Variants in FAM24A observed in about 807,000 individuals in gnomAD.
The protein encoded by FAM24A is protein FAM24A.
In FAM24A, 2 loss-of-function variants were observed where a neutral mutation model predicts 2.8. The observed-to-expected ratio is 0.73, with a 90% confidence interval of 0.30 to 2.28. FAM24A has a LOEUF of 2.28. FAM24A is among the 30% of genes most tolerant of loss of function. The pLI is 0.12. For missense variants in FAM24A, 109 were observed against 132.0 expected (o/e 0.83, Z 0.85); for synonymous variants, 46 against 47.5 (o/e 0.97, Z 0.13).
chr10:122,911,513 G>A, intron 1 of FAM24A, 120 bp from the exon 2 acceptor site: 1 of 1,441,886 alleles, frequency 6.9e-7, no homozygotes. Flanking sequence ...GGACTCTCTG[G>A]AAAGATTTGC....
Position 122,911,776 on chromosome 10 carries a change from A to G in FAM24A, c.125+17A>G, listed in dbSNP as rs753762832. On this transcript the variant is annotated intron_variant, in intron 2 of 2. Coordinates refer to ENST00000368894, the MANE Select transcript of FAM24A (RefSeq NM_001029888.3). ...GGCACTAAAGTGAGTCATGTGGGGG[A>G]AAATGAATTACACCTCCTCAAATGG... 3.1e-6 allele frequency: 5 copies of G among 1,613,366 alleles called. No individual in the cohort carries two copies. The highest frequency in any genetic ancestry group is 1.7e-4 in the Middle Eastern group (1 of 6,056).
At chr10:122,911,280 C>T (rs1208600035) in intron 1 of FAM24A, among the ~76,000 whole-genome samples, 3 of 152,060 alleles carry the variant, frequency 2.0e-5, no homozygotes, top group African/African-American at 7.2e-5. Context: ...TGACTTCTGA[C>T]CCTCTGAGTG....
chr10:122,911,535 A>C (rs1848318642), intron 1 of FAM24A, 98 bp from the exon 2 acceptor site: 2 of 1,531,438 alleles, frequency 1.3e-6, no homozygotes, highest in East Asian at 2.3e-5. Flanking sequence ...TGCAGTTTAC[A>C]TGTGTCTGGG....
Position 122,911,694 on chromosome 10 carries a change from G to C in FAM24A, c.60G>C (p.Leu20=), listed in dbSNP as rs756160424. ...TGATCGGCATCGGAAGCAGCTTACT[G>C]GTTGCCGCGATGGTGCTCCTAAGTG... The part of the protein sequence containing the change: ...KIMIGIGSSL[L]VAAMVLLSVV... Residue 20 remains leucine, a synonymous_variant, in exon 2 of 3, where the codon CTG becomes CTC. Transcript: ENST00000368894. The C allele has an allele frequency of 1.9e-6, 3 of 1,614,174 alleles. No individual in the cohort carries two copies. In the East Asian group the frequency reaches 6.7e-5, roughly 36 times the overall value.
chr10:122,911,748 T>C lies in FAM24A; in HGVS notation c.114T>C (p.Ala38=), dbSNP rs1176031283. The part of the protein sequence containing the change: ...SVVFCLYFKV[A]KALKAAKDPD... ...TGTTCTGTCTTTACTTCAAAGTAGC[T>C]AAGGCACTAAAGTGAGTCATGTGGG... The change falls in exon 2 of 3, where the codon GCT becomes GCC. Residue 38 remains alanine (A), a synonymous_variant. Coordinates refer to ENST00000368894, the MANE Select transcript of FAM24A (RefSeq NM_001029888.3). The C allele has an allele frequency of 6.2e-7, 1 of 1,614,134 alleles. No homozygotes were observed. Among genetic ancestry groups the C allele is most frequent in the South Asian group, 1.1e-5 (1 of 91,080 alleles).
At position 122,912,994 on chromosome 10, in the gene FAM24A, T is replaced by G. The variant is rs1169616961; in HGVS notation, c.*40T>G. On this transcript the variant is annotated 3_prime_UTR_variant, in exon 3 of 3. Transcript: ENST00000368894. ...GCACAAAAATCTTCATGAGCAATAT[T>G]TCTTTCTTAATAGAATGTTTTATTA... is the stretch of plus-strand genomic sequence containing the variant. 1 of 1,543,312 alleles carries G rather than the reference T, an allele frequency of 6.5e-7. No individual in the cohort carries two copies. The highest frequency in any genetic ancestry group is 2.0e-5 in the Admixed American group (1 of 50,796).
At chr10:122,911,064 T>C (rs1234934951) in intron 1 of FAM24A, among the ~76,000 whole-genome samples, 5 of 152,196 alleles carry the variant, frequency 3.3e-5, no homozygotes, top group African/African-American at 1.2e-4. Flanking sequence ...TTCTGAGCCC[T>C]GGCAAAGGTT....
Position 122,911,627 on chromosome 10 carries a change from C to T in FAM24A, c.-2-6C>T. ...CACGTTCTGCTTCCCTGCACTTTCT[C>T]CTTAGGCATGGCAAAGATGTTTGAT... On this transcript the variant is annotated splice_region_variant and splice_polypyrimidine_tract_variant and intron_variant, in intron 1 of 2. Coordinates refer to ENST00000368894, the MANE Select transcript of FAM24A (RefSeq NM_001029888.3). 1 of 1,613,310 alleles carries T rather than the reference C, an allele frequency of 6.2e-7. No individual in the cohort carries two copies. Among genetic ancestry groups the T allele is most frequent in the East Asian group, 2.2e-5 (1 of 44,878 alleles).
rs543285610 is a variant in FAM24A at position 122,911,495 on chromosome 10, G to T, written c.-2-138G>T. 1.1e-5 allele frequency: 14 copies of T among 1,289,688 alleles called. No individual in the cohort carries two copies. The African/African-American group carries it at 1.3e-4, about 12-fold the overall frequency. 79.9% of individuals were successfully genotyped at this position (1,289,688 alleles called of 1,614,324 possible). ...TTTTGTCTGCCCCTGGACCAGCTTA[G>T]GATCCTAGGACTCTCTGGAAAGATT... On this transcript the variant is annotated intron_variant, in intron 1 of 2. Coordinates refer to ENST00000368894, the MANE Select transcript of FAM24A (RefSeq NM_001029888.3).
rs373977409 is a variant in FAM24A, at chr10:122,912,977, A to G, written c.*23A>G. ...TGACTTGGGAAAGCTGGGCACAAAAATCTTCATGAGCAATATTTCTTTCTT... is the reference window on the plus strand; with the variant it reads ...TGACTTGGGAAAGCTGGGCACAAAAGTCTTCATGAGCAATATTTCTTTCTT... On this transcript the variant is annotated 3_prime_UTR_variant, in exon 3 of 3. Coordinates refer to ENST00000368894, the MANE Select transcript of FAM24A (RefSeq NM_001029888.3). 172 of 1,577,230 alleles carry G rather than the reference A, an allele frequency of 1.1e-4. No individual in the cohort carries two copies. In the African/African-American group the frequency reaches 1.7e-3, roughly 16 times the overall value.
In FAM24A at chr10:122,911,631, A is replaced by G. The variant is rs778415970; in HGVS notation, c.-2-2A>G. The G allele has an allele frequency of 4.3e-6, 7 of 1,613,418 alleles. No homozygotes were observed. In the South Asian group the frequency reaches 7.7e-5, roughly 18 times the overall value. ...TTCTGCTTCCCTGCACTTTCTCCTT[A>G]GGCATGGCAAAGATGTTTGATCTCA... On this transcript the variant is annotated splice_acceptor_variant, in intron 1 of 2. Transcript: ENST00000368894. LOFTEE classifies it low-confidence loss of function (5UTR_SPLICE).
rs1277416817 is a variant in FAM24A at position 122,913,047 on chromosome 10, T to C, written c.*93T>C. On this transcript the variant is annotated 3_prime_UTR_variant, in exon 3 of 3. Coordinates refer to ENST00000368894, the MANE Select transcript of FAM24A (RefSeq NM_001029888.3). ...CAAGTCAAGTTCTAGAGTGTTTACA[T>C]ACTATTATATAATGTACAGTGTTAT... The C allele has an allele frequency of 1.8e-6, 2 of 1,121,336 alleles. No individual in the cohort carries two copies. The highest frequency in any genetic ancestry group is 2.5e-5 in the East Asian group (1 of 39,406). The allele number at this position is 1,121,336 out of a possible 1,614,324, so 69.5% of individuals were successfully genotyped here. A position where few individuals can be genotyped will look rare whatever the true frequency, so the allele number is the denominator to read the frequency against.
chr10:122,912,693 C>T (rs1400585724), intron 2 of FAM24A, 69 bp from the exon 3 acceptor site: 3 of 1,477,628 alleles, frequency 2.0e-6, no homozygotes, highest in Non-Finnish European at 2.8e-6. Context: ...CCCAGATACC[C>T]CCAACAATTC....
rs1848310031 is a variant in FAM24A at position 122,910,722 on chromosome 10, G to GACCTAA, written c.-100_-99insACCTAA. On this transcript the variant is annotated 5_prime_UTR_variant, in exon 1 of 3. Transcript: ENST00000368894. ...TAGGTCCCTCTTTCTCAGATTACAG[G>GACCTAA]TTTGAGAAGTTCCAAATATCCGATG... The GACCTAA allele has an allele frequency of 6.6e-6, 1 of 152,134 alleles. No homozygotes were observed. Among genetic ancestry groups the GACCTAA allele is most frequent in the South Asian group, 2.1e-4 (1 of 4,824 alleles). 9.4% of individuals were successfully genotyped at this position (152,134 alleles called of 1,614,324 possible). A position where few individuals can be genotyped will look rare whatever the true frequency, so the allele number is the denominator to read the frequency against.
intron 1 of FAM24A, 66 bp from the exon 2 acceptor site, chr10:122,911,567 G>A (rs1490884797): frequency 1.0e-5 from 16 of 1,592,796 alleles, no homozygotes; most frequent in South Asian, 9.2e-5. Context: ...CTCTACTAAC[G>A]GAAGGTTGTT....
In FAM24A at chr10:122,912,804, C is replaced by G. The variant is rs1489145409; in HGVS notation, c.168C>G (p.Asn56Lys). Reference sequence around the variant, plus strand: ...ATGCTGTGGCTGTAAAAAATCACAACCCAGACAAGGTGTGTTGGGCCACGA... The same window carrying G: ...ATGCTGTGGCTGTAAAAAATCACAAGCCAGACAAGGTGTGTTGGGCCACGA... Reference protein sequence around the residue: ...DPDAVAVKNHNPDKVCWATNS... With the variant: ...DPDAVAVKNHKPDKVCWATNS... Residue 56 changes from asparagine to lysine, a missense_variant, in exon 3 of 3, where the codon AAC becomes AAG. By Grantham distance (94) the Asn-to-Lys change is moderately conservative. Coordinates refer to ENST00000368894, the MANE Select transcript of FAM24A (RefSeq NM_001029888.3). 2.5e-6 allele frequency: 4 copies of G among 1,613,994 alleles called. No individual in the cohort carries two copies. The Admixed American group carries it at 6.7e-5, about 27-fold the overall frequency.
In FAM24A at chr10:122,911,740, A is replaced by G. The variant is rs1391508368; in HGVS notation, c.106A>G (p.Lys36Glu). 2 of 1,614,142 alleles carry G rather than the reference A, an allele frequency of 1.2e-6. No homozygotes were observed. The highest frequency in any genetic ancestry group is 1.1e-5 in the South Asian group (1 of 91,084). ...LLSVVFCLYF[K>E]VAKALKAAKD... is the part of the protein sequence containing the mutation. ...AAGTGTTGTGTTCTGTCTTTACTTC[A>G]AAGTAGCTAAGGCACTAAAGTGAGT... Residue 36 changes from lysine (K) to glutamate (E), a missense_variant, in exon 2 of 3, where the codon AAA (lysine) becomes GAA (glutamate). Coordinates refer to ENST00000368894, the MANE Select transcript of FAM24A (RefSeq NM_001029888.3).
At chr10:122,911,219 T>C (rs1422549225) in intron 1 of FAM24A, among the ~76,000 whole-genome samples, 1 of 152,234 alleles carries the variant, frequency 6.6e-6, no homozygotes, top group Non-Finnish European at 1.5e-5. Flanking sequence ...CTTTTTAAAC[T>C]AATTCTCTTA....
rs1287273606 is a variant in FAM24A, at chr10:122,912,887, G to T, written c.251G>T (p.Gly84Val). The change falls in exon 3 of 3, where the codon GGT (glycine) becomes GTT (valine). Residue 84 changes from glycine to valine, a missense_variant. Coordinates refer to ENST00000368894, the MANE Select transcript of FAM24A (RefSeq NM_001029888.3). ...TGTCCATCTCTCCAGTGCTGTGAAG[G>T]TTGTAGAATGCATGCCAGTTCTGAT... ...ESCPSLQCCE[G>V]CRMHASSDSL... 1 of 1,614,084 alleles carries T rather than the reference G, an allele frequency of 6.2e-7. No individual in the cohort carries two copies. The highest frequency in any genetic ancestry group is 1.7e-5 in the Admixed American group (1 of 60,012).
Sources: gnomAD v4.1 joint callset for allele counts (sites outside exome capture counted in the v4.1 genomes callset) on GRCh38, gnomAD v4.1.1 for gene constraint, MANE v1.5 for transcripts, NCBI Gene and HGNC (gene_info 2026-07-23, HGNC 2026-07-21) for gene names.